TRPM5: variants seen among roughly 807,000 people sequenced by gnomAD.
The protein encoded by TRPM5 is MLSN1 and TRP-related.
In TRPM5, 121 loss-of-function variants were observed where a neutral mutation model predicts 124.9. That is an observed-to-expected ratio of 0.97 (90% confidence interval 0.84 to 1.13). The LOEUF (loss-of-function observed/expected upper bound fraction) is 1.13, where lower values mean the gene tolerates loss of function less well. Among genes scored for constraint, TRPM5 ranks in the 50% most tolerant of loss-of-function variants. The pLI is 0.00. For missense variants in TRPM5, 1,643 were observed against 1,589.1 expected, an observed-to-expected ratio of 1.03 and a Z score of -0.58; for synonymous variants, 781 against 700.5, an observed-to-expected ratio of 1.11 and a Z score of -1.81.
chr11:2,407,094 TGCTCCCGCTTGTGCTCGGCCTC>T lies in TRPM5; in HGVS notation c.3118+3_3118+24del. ...ACCCGCCACCTCGGCCTCACCCAGG[TGCTCCCGCTTGTGCTCGGCCTC>T]ACCCAGGTGCTCCCGCTTGTGCTCA... On this transcript the variant is annotated splice_donor_5th_base_variant and intron_variant, in intron 20 of 23. Transcript: ENST00000155858. 9.6e-7 allele frequency: 1 copy of T among 1,045,660 alleles called. No individual in the cohort carries two copies. Among genetic ancestry groups the T allele is most frequent in the South Asian group, 2.0e-5 (1 of 49,504 alleles). The allele number at this position is 1,045,660 out of a possible 1,614,324, so 64.8% of individuals were successfully genotyped here. A position where few individuals can be genotyped will look rare whatever the true frequency, so the allele number is the denominator to read the frequency against.
At position 2,423,010 on chromosome 11, in the gene TRPM5, G is replaced by A. The variant is rs150063172; in HGVS notation, c.27C>T (p.Pro9=). The change falls in exon 1 of 24, where the codon CCC becomes CCT. Residue 9 remains proline, a synonymous_variant. Coordinates refer to ENST00000155858, the Ensembl canonical transcript of TRPM5. ...GGTCTTCAGCATCCCCGGGGCTTCCGGGACGGGGGCCTTGGACATCCTGCA... is the reference window on the plus strand; with the variant it reads ...GGTCTTCAGCATCCCCGGGGCTTCCAGGACGGGGGCCTTGGACATCCTGCA... 4.9e-4 allele frequency: 787 copies of A among 1,612,438 alleles called. 7 individuals are homozygous for A. In the African/African-American group the frequency reaches 8.4e-3, roughly 17 times the overall value.
chr11:2,418,943 G>A (rs886566382), intron 4 of TRPM5, among the ~76,000 whole-genome samples: 7 of 152,184 alleles, frequency 4.6e-5, no homozygotes, highest in South Asian at 2.1e-4. Flanking sequence ...CTCGACCATC[G>A]AGGGAGCTCT....
Position 2,406,685 on chromosome 11 carries a change from TC to T in TRPM5, c.3226del (p.Glu1076ArgfsTer20). ...CCTGTGGGCGGTTTTCCGCAGCACC[TC>T]CCCCTCGCTGTCCCTCCTCCGCTTC... is the stretch of plus-strand genomic sequence containing the variant. On this transcript the variant is annotated frameshift_variant, in exon 21 of 24. Coordinates refer to ENST00000155858, the Ensembl canonical transcript of TRPM5. LOFTEE classifies it high-confidence loss of function. 6.2e-7 allele frequency: 1 copy of T among 1,612,588 alleles called. No homozygotes were observed.
chr11:2,417,773 C>G (rs1466982470), exon 7 of TRPM5: 1 of 1,602,402 alleles, frequency 6.2e-7, no homozygotes, highest in Admixed American at 1.7e-5. Flanking sequence ...CCTCGGAGCC[C>G]TCCTGCTCGA....
chr11:2,418,044 G>T, intron 6 of TRPM5, 123 bp downstream of exon 11: 1 of 1,030,440 alleles, frequency 9.7e-7, no homozygotes, highest in Non-Finnish European at 1.4e-6. Context: ...GAGAGTGGGT[G>T]GGGGGCCCAG....
At chr11:2,439,259 C>G in the TRPM5 span, among the ~76,000 whole-genome samples, 1 of 152,168 alleles carries the variant, frequency 6.6e-6, no homozygotes, top group Non-Finnish European at 1.5e-5. Context: ...TTCTGGACAT[C>G]AGCGCTGGGA....
At chr11:2,416,077 A>T (rs1388843525) in intron 7 of TRPM5, 53 bp from the exon 13 acceptor site, 11 of 1,398,078 alleles carry the variant, frequency 7.9e-6, no homozygotes, top group Non-Finnish European at 1.1e-5. Flanking sequence ...GGCCTCACAG[A>T]GCCGGGGCAC....
In TRPM5 at chr11:2,418,509, C is replaced by A. The variant is rs761628314; in HGVS notation, c.714+18G>T. ...CACAAGGCTTCGGCCAGCCAGGGGG[C>A]CTCAGCCAGGCCCCTACCTCCAAGG... On this transcript the variant is annotated intron_variant, in intron 5 of 23. Transcript: ENST00000155858. 6.2e-7 allele frequency: 1 copy of A among 1,606,538 alleles called. No homozygotes were observed. The highest frequency in any genetic ancestry group is 1.7e-5 in the Admixed American group (1 of 59,216).
chr11:2,428,485 GTGA>G, the TRPM5 span, among the ~76,000 whole-genome samples: 244 of 151,668 alleles, frequency 1.6e-3, 10 homozygotes, highest in South Asian at 0.046. This position sits in a 1 kb window ranked among gnomAD's most constrained non-coding sequence, Gnocchi z 4.0. Context: ...GGTGGTGGTG[GTGA>G]TGATGATATT....
At chr11:2,414,394 C>T (rs1372453529) in intron 11 of TRPM5, among the ~76,000 whole-genome samples, 188 bp from the exon 17 acceptor site, 1 of 152,234 alleles carries the variant, frequency 6.6e-6, no homozygotes, top group African/African-American at 2.4e-5. Flanking sequence ...CGTCCTTCTC[C>T]GGCTCTGTCC....
chr11:2,434,085 GTGTC>G, the TRPM5 span, among the ~76,000 whole-genome samples: 2 of 151,978 alleles, frequency 1.3e-5, no homozygotes, highest in East Asian at 3.9e-4. Context: ...TGCACTGTGT[GTGTC>G]TGTGTGGATG....
the TRPM5 span, among the ~76,000 whole-genome samples, chr11:2,440,856 C>G: frequency 9.2e-5 from 14 of 152,300 alleles, no homozygotes; most frequent in African/African-American, 3.4e-4. The surrounding 1 kb of genome is among the most constrained non-coding windows in gnomAD (Gnocchi z 5.2). Flanking sequence ...AGCCCTGGCC[C>G]GCAGATGCTG....
At chr11:2,410,632 G>C (rs1850425942) in intron 18 of TRPM5, 1 of 448,760 alleles carries the variant, frequency 2.2e-6, no homozygotes, top group South Asian at 1.6e-5. Context: ...TCACTACAGA[G>C]GCCCCCATGG....
At chr11:2,422,963 C>G in exon 1 of TRPM5, 1 of 1,613,090 alleles carries the variant, frequency 6.2e-7, no homozygotes, top group East Asian at 2.2e-5. Context: ...GACCTCGCCC[C>G]TGTGCAAGCC....
intron 20 of TRPM5, 104 bp from the exon 26 acceptor site, chr11:2,406,897 T>C: frequency 1.3e-6 from 2 of 1,487,964 alleles, no homozygotes; most frequent in Non-Finnish European, 1.8e-6. Flanking sequence ...AAGGAGTGAG[T>C]GGGGCCCAGC....
chr11:2,419,829 C>G (rs886764396), intron 4 of TRPM5, among the ~76,000 whole-genome samples: 3 of 152,248 alleles, frequency 2.0e-5, no homozygotes, highest in African/African-American at 7.2e-5. Context: ...TGACGCTGCC[C>G]TCTGGCGGCA....
upstream of TRPM5, among the ~76,000 whole-genome samples, chr11:2,425,027 G>A (rs991922427): frequency 2.0e-5 from 3 of 152,218 alleles, no homozygotes; most frequent in Non-Finnish European, 2.9e-5. Context: ...ACCAGCCCGC[G>A]GACCGCAGAG....
At chr11:2,413,345 C>A (rs192366667) in intron 13 of TRPM5, 119 bp from the exon 19 acceptor site, 8 of 1,307,656 alleles carry the variant, frequency 6.1e-6, no homozygotes, top group Admixed American at 2.6e-5. Flanking sequence ...GAGTGGGACC[C>A]GCAGGGAGGC....
intron 4 of TRPM5, among the ~76,000 whole-genome samples, chr11:2,419,271 G>A (rs1589874095): frequency 6.6e-6 from 1 of 152,276 alleles, no homozygotes; most frequent in African/African-American, 2.4e-5. Flanking sequence ...CCCTCCGCCT[G>A]TGTCCCTAGA....
Sources: gnomAD v4.1 joint callset for allele counts (sites outside exome capture counted in the v4.1 genomes callset) on GRCh38, gnomAD v4.1.1 for gene constraint, Gnocchi (gnomAD v3.1) non-coding constraint, MANE v1.5 for transcripts, NCBI Gene and HGNC (gene_info 2026-07-23, HGNC 2026-07-21) for gene names.